Variants in DYNC1H1 observed in about 807,000 individuals in gnomAD.
The protein encoded by DYNC1H1 is cytoplasmic dynein 1 heavy chain 1.
In DYNC1H1, 51 loss-of-function variants were observed where a neutral mutation model predicts 527.1. The observed-to-expected ratio is 0.10, with a 90% CI of 0.08 to 0.12. DYNC1H1 has a LOEUF of 0.12. Among genes scored for constraint, DYNC1H1 ranks in the 10% least tolerant of loss-of-function variants. DYNC1H1 has a pLI of 1.00. For synonymous variants in DYNC1H1, 2,189 were observed against 2,278.8 expected (o/e 0.96, Z 1.12); for missense variants, 2,771 against 5,971.8 (o/e 0.46, Z 17.66).
intron 28 of DYNC1H1, among the ~76,000 whole-genome samples, chr14:102,007,923 A>G (rs891633057): frequency 1.3e-5 from 2 of 152,236 alleles, no homozygotes; most frequent in Non-Finnish European, 2.9e-5. Context: ...TGTCGCCACA[A>G]GGCCTTTCCT....
rs971971468 is a variant in DYNC1H1, at chr14:101,964,608, G to C, written c.-84G>C. ...GGGCTAGCGGACGGTCCGGCTTCCG[G>C]CGGCCGTTTCTGTCTCTTGCTGGCT... On this transcript the variant is annotated 5_prime_UTR_variant, in exon 1 of 78. Transcript: ENST00000360184. This position sits in a 1 kb window ranked among gnomAD's most constrained non-coding sequence, Gnocchi z 5.5. 7.8e-6 allele frequency: 12 copies of C among 1,531,176 alleles called. No individual in the cohort carries two copies. In the African/African-American group the frequency reaches 1.7e-4, roughly 21 times the overall value. The allele number at this position is 1,531,176 out of a possible 1,614,324, so 94.8% of individuals were successfully genotyped here.
Position 102,001,473 on chromosome 14 carries a change from C to A in DYNC1H1, c.4396-62C>A. 6.2e-7 allele frequency: 1 copy of A among 1,613,484 alleles called. No individual in the cohort carries two copies. Among genetic ancestry groups the A allele is most frequent in the Non-Finnish European group, 8.5e-7 (1 of 1,179,622 alleles). On this transcript the variant is annotated intron_variant, in intron 20 of 77. Coordinates refer to ENST00000360184, the MANE Select transcript of DYNC1H1 (RefSeq NM_001376.5). The surrounding 1 kb of genome is among the most constrained non-coding windows in gnomAD (Gnocchi z 5.0). ...CCTTTTGGTTCTTATAATGCTGGGT[C>A]CCTTGTGCAGGTAGTGAATGCCCAC...
At chr14:101,968,206 C>G (rs528850039) in intron 1 of DYNC1H1, among the ~76,000 whole-genome samples, 1 of 152,262 alleles carries the variant, frequency 6.6e-6, no homozygotes, top group South Asian at 2.1e-4. Context: ...CATGACCTGC[C>G]TGGGATTGGC....
chr14:102,044,705 AACAAGGATCCTCCCC>A lies in DYNC1H1; in HGVS notation c.13006+11_13006+25del. 1 of 1,613,312 alleles carries A rather than the reference AACAAGGATCCTCCCC, an allele frequency of 6.2e-7. No homozygotes were observed. Among genetic ancestry groups the A allele is most frequent in the Non-Finnish European group, 8.5e-7 (1 of 1,179,960 alleles). Reference sequence around the variant, plus strand: ...GTCCTCCTTACCACACAGGGTAGGCAACAAGGATCCTCCCCACACGCAGGGTGGGTGGCGAGGGTC... The same window carrying A: ...GTCCTCCTTACCACACAGGGTAGGCAACACGCAGGGTGGGTGGCGAGGGTC... On this transcript the variant is annotated splice_region_variant and intron_variant, in intron 72 of 77. Transcript: ENST00000360184. The surrounding 1 kb of genome is among the most constrained non-coding windows in gnomAD (Gnocchi z 7.1).
In DYNC1H1 at chr14:102,005,489, T is replaced by C. The variant is rs144683534; in HGVS notation, c.5433+253T>C. Among the ~76,000 whole-genome samples, 498 of 152,286 alleles carry C rather than the reference T, an allele frequency of 3.3e-3. 7 individuals carry two copies. The highest frequency in any genetic ancestry group is 0.011 in the African/African-American group (452 of 41,556). On this transcript the variant is annotated intron_variant, in intron 26 of 77. Transcript: ENST00000360184. The surrounding 1 kb of genome is among the most constrained non-coding windows in gnomAD (Gnocchi z 4.0). Reference sequence around the variant, plus strand: ...ACCTTGGTCAGGATCTCTTGCTCTTTCCTGTCATCTCCCCAGAGAGGTGGC... The same window carrying C: ...ACCTTGGTCAGGATCTCTTGCTCTTCCCTGTCATCTCCCCAGAGAGGTGGC...
intron 41 of DYNC1H1, 118 bp from the exon 42 acceptor site, chr14:102,019,775 A>T: frequency 7.5e-7 from 1 of 1,325,558 alleles, no homozygotes; most frequent in Non-Finnish European, 1.1e-6. Flanking sequence ...CTATCTTCTT[A>T]AATATTTCAG....
rs547038254 is a variant in DYNC1H1 at position 102,015,100 on chromosome 14, T to C, written c.7015-5T>C. ...CATTAAATCTGCTTAATGTTTTCTT[T>C]CAAGGTGAGAATAATGTTTGAGGTA... On this transcript the variant is annotated splice_polypyrimidine_tract_variant and splice_region_variant and intron_variant, in intron 34 of 77. Transcript: ENST00000360184. The surrounding 1 kb of genome is among the most constrained non-coding windows in gnomAD (Gnocchi z 6.9). 8.1e-6 allele frequency: 13 copies of C among 1,614,262 alleles called. No individual in the cohort carries two copies. In the South Asian group the frequency reaches 1.4e-4, roughly 18 times the overall value.
Position 102,018,784 on chromosome 14 carries a change from AACCCTG to A in DYNC1H1, c.8343+169_8343+174del, listed in dbSNP as rs1177766431. On this transcript the variant is annotated intron_variant, in intron 41 of 77. Coordinates refer to ENST00000360184, the MANE Select transcript of DYNC1H1 (RefSeq NM_001376.5). The surrounding 1 kb of genome is among the most constrained non-coding windows in gnomAD (Gnocchi z 5.2). ...GAGACCAGTCTGGACAACATGGCAA[AACCCTG>A]TCTCTACAAAAAATAGGTGGGCGTG... Among the ~76,000 whole-genome samples, 1 of 152,046 alleles carries A rather than the reference AACCCTG, an allele frequency of 6.6e-6. No individual in the cohort carries two copies. Among genetic ancestry groups the A allele is most frequent in the Admixed American group, 6.5e-5 (1 of 15,268 alleles).
chr14:102,017,388 G>A lies in DYNC1H1; in HGVS notation c.8061G>A (p.Val2687=). ...GTACCTGTCCCTTCCTTCAGATGGT[G>A]GAGCACGGAGGCTTTTACCGTACCT... ...QRVISFIRQM[V]EHGGFYRTSD... Residue 2687 remains valine, a synonymous_variant, in exon 40 of 78, where the codon GTG becomes GTA. Transcript: ENST00000360184. The surrounding 1 kb of genome is among the most constrained non-coding windows in gnomAD (Gnocchi z 4.6). The A allele has an allele frequency of 6.2e-7, 1 of 1,614,216 alleles. No homozygotes were observed. Among genetic ancestry groups the A allele is most frequent in the Non-Finnish European group, 8.5e-7 (1 of 1,180,044 alleles).
Position 101,964,991 on chromosome 14 carries a change from G to T in DYNC1H1, c.256+44G>T. 1 of 1,557,362 alleles carries T rather than the reference G, an allele frequency of 6.4e-7. No homozygotes were observed. The highest frequency in any genetic ancestry group is 8.7e-7 in the Non-Finnish European group (1 of 1,151,336). ...CAGGGTCGCCAGAGCCAGGCCTCGC[G>T]GAATGCAGGGCCTGCCAGGTCCTCC... On this transcript the variant is annotated intron_variant, in intron 1 of 77. Coordinates refer to ENST00000360184, the MANE Select transcript of DYNC1H1 (RefSeq NM_001376.5). This position sits in a 1 kb window ranked among gnomAD's most constrained non-coding sequence, Gnocchi z 5.5.
chr14:101,968,696 G>A (rs1368618666), intron 1 of DYNC1H1, among the ~76,000 whole-genome samples: 2 of 150,986 alleles, frequency 1.3e-5, no homozygotes, highest in African/African-American at 4.9e-5. Flanking sequence ...TGAGTAGCTG[G>A]GATTACAGGC....
rs1595609586 is a variant in DYNC1H1, at chr14:102,002,193, C to A, written c.4543-344C>A. ...TGGCACGATCTCGGCTCACTGCAAC[C>A]TCTGCCTCCCGGGTTGAAGTGATTC... On this transcript the variant is annotated intron_variant, in intron 21 of 77. Coordinates refer to ENST00000360184, the MANE Select transcript of DYNC1H1 (RefSeq NM_001376.5). The surrounding 1 kb of genome is among the most constrained non-coding windows in gnomAD (Gnocchi z 4.4). 6.6e-6 allele frequency among the ~76,000 whole-genome samples: 1 copy of A among 152,038 alleles called. No individual in the cohort carries two copies. Among genetic ancestry groups the A allele is most frequent in the African/African-American group, 2.4e-5 (1 of 41,366 alleles).
intron 1 of DYNC1H1, among the ~76,000 whole-genome samples, chr14:101,967,195 T>C (rs1293057985): frequency 6.6e-6 from 1 of 152,190 alleles, no homozygotes; most frequent in Non-Finnish European, 1.5e-5. Flanking sequence ...GACCCAGGAC[T>C]TTTGGTAGGA....
intron 56 of DYNC1H1, chr14:102,034,697 G>A (rs1359407770): frequency 4.8e-6 from 3 of 621,644 alleles, no homozygotes. Context: ...GCCAGGCACA[G>A]TGGATCACGT....
chr14:102,032,490 G>A (rs2048520306), intron 52 of DYNC1H1, 23 bp downstream of exon 52: 2 of 1,613,908 alleles, frequency 1.2e-6, no homozygotes, highest in South Asian at 2.2e-5. Flanking sequence ...AAGTGCCAAG[G>A]TATTGCCAGA....
chr14:102,030,296 G>C lies in DYNC1H1; in HGVS notation c.9883+14G>C. 6.2e-7 allele frequency: 1 copy of C among 1,614,010 alleles called. No individual in the cohort carries two copies. The highest frequency in any genetic ancestry group is 8.5e-7 in the Non-Finnish European group (1 of 1,179,918). ...AGGCCCAGAATGGTATGTAAAGACT[G>C]TCAGAGCTTTGATGTCTAGGAAGGG... On this transcript the variant is annotated intron_variant, in intron 51 of 77. Coordinates refer to ENST00000360184, the MANE Select transcript of DYNC1H1 (RefSeq NM_001376.5).
In DYNC1H1 at chr14:101,994,196, T is replaced by A. The variant is rs2048031116; in HGVS notation, c.3028T>A (p.Tyr1010Asn). 1.2e-6 allele frequency: 2 copies of A among 1,614,210 alleles called. No homozygotes were observed. Among genetic ancestry groups the A allele is most frequent in the Non-Finnish European group, 1.7e-6 (2 of 1,180,036 alleles). Reference sequence around the variant, plus strand: ...TTTGGTTGGCTAGGTGGGTGTACATTACGAATTGACTGAGGAAGAGAAATT... The same window carrying A: ...TTTGGTTGGCTAGGTGGGTGTACATAACGAATTGACTGAGGAAGAGAAATT... ...QSQRYQVGVH[Y>N]ELTEEEKFYR... Residue 1010 changes from tyrosine to asparagine, a missense_variant, in exon 12 of 78, where the codon TAC (tyrosine) becomes AAC (asparagine). This residue lies in a region of DYNC1H1 where 179 missense variants were observed against 349.4 expected (regional missense o/e 0.51). Coordinates refer to ENST00000360184, the MANE Select transcript of DYNC1H1 (RefSeq NM_001376.5).
chr14:102,017,045 T>C lies in DYNC1H1; in HGVS notation c.7849-43T>C, dbSNP rs1321499326. ...GCAGCAGACCTTTTGGTGCTGAGCA[T>C]GGGGTTGGTCTTACAGTGTGGTTTT... On this transcript the variant is annotated intron_variant, in intron 38 of 77. Coordinates refer to ENST00000360184, the MANE Select transcript of DYNC1H1 (RefSeq NM_001376.5). This position sits in a 1 kb window ranked among gnomAD's most constrained non-coding sequence, Gnocchi z 4.6. 1.2e-6 allele frequency: 2 copies of C among 1,614,068 alleles called. No homozygotes were observed. The highest frequency in any genetic ancestry group is 1.7e-6 in the Non-Finnish European group (2 of 1,180,014).
intron 43 of DYNC1H1, chr14:102,023,109 T>C: frequency 1.6e-6 from 1 of 618,298 alleles, no homozygotes. Context: ...CAAAAAAATT[T>C]GAAAATTTAG....
Sources: allele counts gnomAD v4.1 joint callset (sites outside exome capture counted in the v4.1 genomes callset), GRCh38; gene constraint gnomAD v4.1.1; regional missense constraint gnomAD v4.1.1; non-coding constraint Gnocchi (gnomAD v3.1); transcripts MANE v1.5; gene names NCBI Gene and HGNC (gene_info 2026-07-23, HGNC 2026-07-21).